Variants in DLGAP2 observed in about 807,000 individuals in gnomAD.
The protein encoded by DLGAP2 is DLG associated protein 2, also known as disks large-associated protein 2.
A neutral mutation model predicts 100.3 loss-of-function variants in DLGAP2; 26 were observed. The observed-to-expected ratio is 0.26, with a 90% CI of 0.19 to 0.36. The LOEUF is 0.36. Among genes scored for constraint, DLGAP2 ranks in the 10% least tolerant of loss-of-function variants. The pLI is 1.00. For synonymous variants in DLGAP2, 886 were observed against 630.1 expected, an observed-to-expected ratio of 1.41 and a Z score of -6.08; for missense variants, 1,858 against 1,453.2, an observed-to-expected ratio of 1.28 and a Z score of -4.53.
At chr8:1,506,662 C>G (rs771093530) in intron 4 of DLGAP2, among the ~76,000 whole-genome samples, 3 of 152,228 alleles carry the variant, frequency 2.0e-5, no homozygotes, top group Admixed American at 6.5e-5. Context: ...TGGCCCCACC[C>G]ACATCCTGCT....
At chr8:964,300 A>G (rs1553411) in intron 2 of DLGAP2, among the ~76,000 whole-genome samples, 148,495 of 152,318 alleles carry the variant, frequency 0.97, 72,399 homozygotes, top group East Asian at 1. Flanking sequence ...ACAGAGGGCT[A>G]TTCCCGCATG....
chr8:1,652,550 T>C (rs1031202488), intron 8 of DLGAP2, among the ~76,000 whole-genome samples: 10 of 152,118 alleles, frequency 6.6e-5, no homozygotes, highest in African/African-American at 2.4e-4. Context: ...TATTTCTGAG[T>C]TTCCAGGAGA....
At chr8:756,326 C>A (rs1002385337) in intron 1 of DLGAP2, among the ~76,000 whole-genome samples, 1 of 152,034 alleles carries the variant, frequency 6.6e-6, no homozygotes, top group South Asian at 2.1e-4. Flanking sequence ...TTGGGGCTGA[C>A]GGCAAAGACG....
intron 4 of DLGAP2, among the ~76,000 whole-genome samples, chr8:1,546,936 G>A (rs1801560005): frequency 6.6e-6 from 1 of 152,150 alleles, no homozygotes; most frequent in African/African-American, 2.4e-5. Context: ...CCTTCCTGAG[G>A]AGACGGCCAC....
intron 3 of DLGAP2, among the ~76,000 whole-genome samples, chr8:1,267,720 G>T (rs1311131798): frequency 6.6e-6 from 1 of 151,972 alleles, no homozygotes; most frequent in Non-Finnish European, 1.5e-5. Context: ...GGCCCCCTCC[G>T]TAGCAACTCT....
chr8:1,548,947 A>G lies in DLGAP2; in HGVS notation c.494A>G (p.His165Arg), dbSNP rs1801654153. The change falls in exon 5 of 15, where the codon CAC becomes CGC. Residue 165 changes from histidine to arginine, a missense_variant. Coordinates refer to ENST00000637795, the MANE Select transcript of DLGAP2 (RefSeq NM_001346810.2). ...TCCAGCAGCACCTTCCCGCGGATGC[A>G]CTACAGCTCGCACTACGACACGCGC... is the stretch of plus-strand genomic sequence containing the variant. ...HVSSSTFPRM[H>R]YSSHYDTRDD... 6.3e-7 allele frequency: 1 copy of G among 1,598,740 alleles called. No homozygotes were observed. The highest frequency in any genetic ancestry group is 8.5e-7 in the Non-Finnish European group (1 of 1,179,410).
At chr8:1,414,056 C>T (rs1162884606) in intron 3 of DLGAP2, among the ~76,000 whole-genome samples, 1 of 152,182 alleles carries the variant, frequency 6.6e-6, no homozygotes, top group Non-Finnish European at 1.5e-5. Context: ...AGGAATTCTG[C>T]TTTTTCCTCT....
At chr8:1,276,000 A>G (rs1799685096) in intron 3 of DLGAP2, among the ~76,000 whole-genome samples, 1 of 127,594 alleles carries the variant, frequency 7.8e-6, no homozygotes, top group South Asian at 2.3e-4. Flanking sequence ...TAAATGTAAT[A>G]TATAAATAGA....
intron 4 of DLGAP2, among the ~76,000 whole-genome samples, chr8:1,508,608 C>T (rs1302609184): frequency 6.9e-6 from 1 of 144,582 alleles, no homozygotes; most frequent in Non-Finnish European, 1.5e-5. Flanking sequence ...GTTTTCTCCT[C>T]TGTGGGATGT....
At chr8:1,432,631 ACAC>A (rs1797484476) in intron 3 of DLGAP2, among the ~76,000 whole-genome samples, 3 of 152,146 alleles carry the variant, frequency 2.0e-5, no homozygotes, top group Admixed American at 1.3e-4. Context: ...AATTGTAAAA[ACAC>A]ATTTGACATT....
intron 3 of DLGAP2, among the ~76,000 whole-genome samples, chr8:1,355,745 G>C (rs1801833730): frequency 6.6e-6 from 1 of 152,104 alleles, no homozygotes; most frequent in South Asian, 2.1e-4. Context: ...GACTGGTCCT[G>C]TCCCTGTGGA....
In DLGAP2 at chr8:1,410,009, A is replaced by G. The variant is rs78803615; in HGVS notation, c.107-91357A>G. Among the ~76,000 whole-genome samples the G allele has an allele frequency of 3.5e-3, 531 of 152,306 alleles. 9 individuals carry two copies. In the East Asian group the frequency reaches 0.047, roughly 14 times the overall value. ...TGTCCTGTTGGTTCCATTCCTCCAG[A>G]GAACCCTGACCGATACGTGCTGCAG... On this transcript the variant is annotated intron_variant, in intron 3 of 14. Coordinates refer to ENST00000637795, the MANE Select transcript of DLGAP2 (RefSeq NM_001346810.2).
intron 5 of DLGAP2, among the ~76,000 whole-genome samples, chr8:1,559,801 G>A (rs1198576849): frequency 6.6e-6 from 1 of 152,174 alleles, no homozygotes; most frequent in Non-Finnish European, 1.5e-5. Context: ...GTGGCAGCGT[G>A]AGCTCCCCCG....
At chr8:1,335,614 G>A (rs1049306745) in intron 3 of DLGAP2, among the ~76,000 whole-genome samples, 1 of 152,098 alleles carries the variant, frequency 6.6e-6, no homozygotes, top group Non-Finnish European at 1.5e-5. Context: ...TGGAAGCAGG[G>A]AAGCTTTGGA....
chr8:974,960 C>G (rs1331117083), intron 2 of DLGAP2, among the ~76,000 whole-genome samples: 2 of 152,156 alleles, frequency 1.3e-5, no homozygotes, highest in African/African-American at 4.8e-5. Context: ...AGAGCTTGTT[C>G]TTTGAAAAGA....
intron 3 of DLGAP2, among the ~76,000 whole-genome samples, chr8:1,275,388 C>T (rs1309635423): frequency 1.3e-5 from 2 of 151,078 alleles, no homozygotes; most frequent in Non-Finnish European, 2.9e-5. Context: ...AATAGATTTG[C>T]ACCCCAGATG....
rs1563142088 is a variant in DLGAP2 at position 1,430,015 on chromosome 8, TATATATATATATAC to T, written c.107-71349_107-71336del. 3.4e-4 allele frequency among the ~76,000 whole-genome samples: 31 copies of T among 90,768 alleles called. 3 individuals carry two copies. The highest frequency in any genetic ancestry group is 1.2e-3 in the African/African-American group (26 of 22,356). The allele number at this position is 90,768 out of a possible 152,430, so 59.5% of individuals were successfully genotyped here. ...AGAGATGCATATATATACATATATA[TATATATATATATAC>T]ACACACACACATATGAACTTAGAAT... On this transcript the variant is annotated intron_variant, in intron 3 of 14. Coordinates refer to ENST00000637795, the MANE Select transcript of DLGAP2 (RefSeq NM_001346810.2).
At chr8:1,330,890 C>A in intron 3 of DLGAP2, among the ~76,000 whole-genome samples, 1 of 149,296 alleles carries the variant, frequency 6.7e-6, no homozygotes, top group Non-Finnish European at 1.5e-5. Context: ...TTCACGGGGA[C>A]TGAGTTCTGT....
intron 2 of DLGAP2, among the ~76,000 whole-genome samples, chr8:1,177,295 A>G (rs1403466168): frequency 5.9e-5 from 9 of 151,796 alleles, no homozygotes; most frequent in Admixed American, 5.9e-4. Flanking sequence ...TTTTCTCCGT[A>G]TGTTCTTGGA....
Sources: allele counts gnomAD v4.1 joint callset (sites outside exome capture counted in the v4.1 genomes callset), GRCh38; gene constraint gnomAD v4.1.1; transcripts MANE v1.5; gene names NCBI Gene and HGNC (gene_info 2026-07-23, HGNC 2026-07-21).